The following VWC2 variants were observed in gnomAD, a reference collection of about 807,000 sequenced individuals.
VWC2 encodes the protein von Willebrand factor C domain containing 2, also known as brorin.
VWC2 carries 14 observed loss-of-function variants against 29.8 expected under a neutral mutation model. The observed-to-expected ratio is 0.47, with a 90% CI of 0.31 to 0.74. The LOEUF is 0.74. Ranked by LOEUF, VWC2 falls within the 30% of genes least tolerant of loss-of-function variation. The probability of loss-of-function intolerance (pLI) is 0.05; values close to 1 mark genes in which losing one functional copy is unlikely to be tolerated. For missense variants in VWC2, 457 were observed against 459.8 expected, an observed-to-expected ratio of 0.99 and a Z score of 0.05; for synonymous variants, 213 against 199.0, an observed-to-expected ratio of 1.07 and a Z score of -0.59.
At chr7:49,852,083 C>T (rs1376845052) in intron 3 of VWC2, among the ~76,000 whole-genome samples, 1 of 152,176 alleles carries the variant, frequency 6.6e-6, no homozygotes, top group Non-Finnish European at 1.5e-5. Context: ...GCTGGGAGCC[C>T]GACAGAGGCC....
At chr7:49,828,143 T>A (rs1195383486) in intron 3 of VWC2, among the ~76,000 whole-genome samples, 1 of 152,206 alleles carries the variant, frequency 6.6e-6, no homozygotes, top group African/African-American at 2.4e-5. Flanking sequence ...ATATCTGGCT[T>A]TTTTCACTCA....
At position 49,905,343 on chromosome 7, in the gene VWC2, A is replaced by G. The variant is rs909017418; in HGVS notation, c.827-6691A>G. On this transcript the variant is annotated intron_variant, in intron 3 of 3. Coordinates refer to ENST00000340652, the MANE Select transcript of VWC2 (RefSeq NM_198570.5). ...CCACCACAGCAGCCACTGCTACAGCAGTGCCACTGCTTTTACTCACGCTGT... is the reference window on the plus strand; with the variant it reads ...CCACCACAGCAGCCACTGCTACAGCGGTGCCACTGCTTTTACTCACGCTGT... 2.6e-5 allele frequency among the ~76,000 whole-genome samples: 4 copies of G among 152,328 alleles called. No homozygotes were observed. The South Asian group carries it at 6.2e-4, about 24-fold the overall frequency.
At chr7:49,857,712 G>C (rs1308908147) in intron 3 of VWC2, among the ~76,000 whole-genome samples, 1 of 152,156 alleles carries the variant, frequency 6.6e-6, no homozygotes, top group African/African-American at 2.4e-5. Flanking sequence ...ATGCAAAATG[G>C]TGTAGTCCTT....
intron 3 of VWC2, among the ~76,000 whole-genome samples, chr7:49,817,490 A>T (rs1789174216): frequency 6.6e-6 from 1 of 152,230 alleles, no homozygotes; most frequent in Non-Finnish European, 1.5e-5. Flanking sequence ...CTCCGTCTCC[A>T]GGAGAATAAG....
At chr7:49,896,881 A>ATTTTTT (rs36066373) in intron 3 of VWC2, among the ~76,000 whole-genome samples, 2 of 95,048 alleles carry the variant, frequency 2.1e-5, no homozygotes, top group East Asian at 3.4e-4. Flanking sequence ...TGGATTGATA[A>ATTTTTT]TTTTTTTTTT....
chr7:49,805,219 A>C (rs1047737871), intron 3 of VWC2, among the ~76,000 whole-genome samples: 2 of 152,214 alleles, frequency 1.3e-5, no homozygotes, highest in Non-Finnish European at 2.9e-5. Flanking sequence ...TCCTGATGGT[A>C]AACTTCTAAA....
intron 3 of VWC2, among the ~76,000 whole-genome samples, chr7:49,872,915 C>CGAAAAAAAAAAAA (rs1791232149): frequency 2.9e-5 from 1 of 33,946 alleles, no homozygotes; most frequent in African/African-American, 1.0e-4. Flanking sequence ...GACTTTGTCT[C>CGAAAAAAAAAAAA]AAAAAAAAAA....
intron 3 of VWC2, among the ~76,000 whole-genome samples, chr7:49,906,245 T>G (rs181007585): frequency 1.2e-3 from 179 of 152,202 alleles, no homozygotes; most frequent in African/African-American, 4.1e-3. Flanking sequence ...CCCTTTCTAG[T>G]AACAGAGTAA....
At chr7:49,789,161 GTA>G (rs1193701629) in intron 2 of VWC2, among the ~76,000 whole-genome samples, 2 of 148,564 alleles carry the variant, frequency 1.3e-5, no homozygotes, top group African/African-American at 5.0e-5. Context: ...GAGTGTGGCT[GTA>G]TGTGTGTGTT....
chr7:49,900,775 A>T (rs184732694), intron 3 of VWC2, among the ~76,000 whole-genome samples: 1 of 151,930 alleles, frequency 6.6e-6, no homozygotes, highest in African/African-American at 2.4e-5. Flanking sequence ...TTTCAGCGTT[A>T]CCCTATTACC....
At chr7:49,875,900 A>C (rs1195745494) in intron 3 of VWC2, among the ~76,000 whole-genome samples, 1 of 152,172 alleles carries the variant, frequency 6.6e-6, no homozygotes, top group Non-Finnish European at 1.5e-5. Context: ...CCTGGCATCG[A>C]CTATGATATC....
At chr7:49,834,487 T>C (rs750151929) in intron 3 of VWC2, among the ~76,000 whole-genome samples, 1 of 152,198 alleles carries the variant, frequency 6.6e-6, no homozygotes, top group Admixed American at 6.5e-5. Context: ...AAGTGGGGAT[T>C]ATTCCACAGA....
At chr7:49,782,706 G>A (rs62454409) in intron 2 of VWC2, among the ~76,000 whole-genome samples, 2 of 149,812 alleles carry the variant, frequency 1.3e-5, no homozygotes, top group Non-Finnish European at 3.0e-5. Flanking sequence ...AAAAAAAAAG[G>A]CCAGGCATGT....
At position 49,779,854 on chromosome 7, in the gene VWC2, C is replaced by A. The variant is rs115279001; in HGVS notation, c.696+3723C>A. Among the ~76,000 whole-genome samples, 212 of 152,300 alleles carry A rather than the reference C, an allele frequency of 1.4e-3. 2 individuals carry two copies. The highest frequency in any genetic ancestry group is 4.9e-3 in the African/African-American group (203 of 41,562). On this transcript the variant is annotated intron_variant, in intron 2 of 3. Transcript: ENST00000340652. ...GATGTCCATCTTCTTCCTGTGTTTT[C>A]TCATGGTGTTCCCTCTGCATCTGTC...
At chr7:49,855,480 T>C (rs1386601802) in intron 3 of VWC2, among the ~76,000 whole-genome samples, 1 of 152,104 alleles carries the variant, frequency 6.6e-6, no homozygotes, top group Non-Finnish European at 1.5e-5. Context: ...GGTTTGGGTA[T>C]TTCCCAGGTG....
intron 3 of VWC2, among the ~76,000 whole-genome samples, chr7:49,900,830 A>G (rs1792685008): frequency 6.6e-6 from 1 of 151,886 alleles, no homozygotes; most frequent in Non-Finnish European, 1.5e-5. Flanking sequence ...AAAGACTAAT[A>G]TTTCTTAAGA....
rs1303391563 is a variant in VWC2 at position 49,919,535 on chromosome 7, C to T, written c.*7350C>T. On this transcript the variant is annotated 3_prime_UTR_variant, in exon 4 of 4. Transcript: ENST00000340652. ...TGGGCTAGTTATACTCTGCAGTATA[C>T]CCTGGTTTATTGTGAGGATTAAATA... 3 of 152,078 alleles carry T rather than the reference C, an allele frequency of 2.0e-5. No individual in the cohort carries two copies. Among genetic ancestry groups the T allele is most frequent in the Admixed American group, 6.5e-5 (1 of 15,268 alleles). The allele number at this position is 152,078 out of a possible 1,614,324, so 9.4% of individuals were successfully genotyped here.
chr7:49,809,782 T>C (rs1788959880), intron 3 of VWC2, among the ~76,000 whole-genome samples: 1 of 151,950 alleles, frequency 6.6e-6, no homozygotes, highest in Non-Finnish European at 1.5e-5. Flanking sequence ...CCACATATGA[T>C]CTCAACAGAT....
At chr7:49,851,808 C>G (rs1166999529) in intron 3 of VWC2, among the ~76,000 whole-genome samples, 1 of 151,834 alleles carries the variant, frequency 6.6e-6, no homozygotes, top group Non-Finnish European at 1.5e-5. Context: ...CAGAGCCGAG[C>G]TTGCGCCATT....
Sources: allele counts gnomAD v4.1 joint callset (sites outside exome capture counted in the v4.1 genomes callset), GRCh38; gene constraint gnomAD v4.1.1; transcripts MANE v1.5; gene names NCBI Gene and HGNC (gene_info 2026-07-23, HGNC 2026-07-21).